ZBTB44: variants seen among roughly 807,000 people sequenced by gnomAD.
The protein encoded by ZBTB44 is zinc finger and BTB domain containing 44.
A neutral mutation model predicts 54.0 loss-of-function variants in ZBTB44; 15 were observed. That is an observed-to-expected ratio of 0.28 (90% CI 0.19 to 0.43). The LOEUF is 0.43. Ranked by LOEUF, ZBTB44 falls within the 20% of genes least tolerant of loss-of-function variation. The probability of loss-of-function intolerance (pLI) is 1.00; values close to 1 mark genes in which losing one functional copy is unlikely to be tolerated. For missense variants in ZBTB44, 487 were observed against 707.1 expected, an observed-to-expected ratio of 0.69 and a Z score of 3.53; for synonymous variants, 230 against 250.1, an observed-to-expected ratio of 0.92 and a Z score of 0.76.
chr11:130,284,965 T>C (rs920366242), intron 1 of ZBTB44: 2 of 152,798 alleles, frequency 1.3e-5, no homozygotes, highest in African/African-American at 4.8e-5. Context: ...TTGACTTCTT[T>C]TCTTTGTGAA....
intron 2 of ZBTB44, among the ~76,000 whole-genome samples, chr11:130,259,504 A>C (rs938698556): frequency 6.6e-6 from 1 of 152,210 alleles, no homozygotes; most frequent in African/African-American, 2.4e-5. Flanking sequence ...ACATGCGCAC[A>C]TATGTTTACT....
At position 130,261,951 on chromosome 11, in the gene ZBTB44, G is replaced by C. The variant is rs1938891009; in HGVS notation, c.-56-22C>G. On this transcript the variant is annotated intron_variant, in intron 1 of 7. Coordinates refer to ENST00000357899, the MANE Select transcript of ZBTB44 (RefSeq NM_001301098.2). The surrounding 1 kb of genome is among the most constrained non-coding windows in gnomAD (Gnocchi z 4.8). ...TGTCCTAAAAAATACATAAAATAAA[G>C]CATTAATTGATATTTTAGTGGTTTA... is the stretch of plus-strand genomic sequence containing the variant. 3 of 1,397,270 alleles carry C rather than the reference G, an allele frequency of 2.1e-6. No homozygotes were observed. Among genetic ancestry groups the C allele is most frequent in the Non-Finnish European group, 2.8e-6 (3 of 1,057,534 alleles). The allele number at this position is 1,397,270 out of a possible 1,614,324, so 86.6% of individuals were successfully genotyped here.
chr11:130,313,044 T>C (rs1020800204), intron 1 of ZBTB44, among the ~76,000 whole-genome samples: 1 of 152,094 alleles, frequency 6.6e-6, no homozygotes, highest in Non-Finnish European at 1.5e-5. Flanking sequence ...CCGATCACAA[T>C]TGTATAGAAC....
intron 2 of ZBTB44, among the ~76,000 whole-genome samples, chr11:130,258,924 T>C (rs1388863928): frequency 6.6e-6 from 1 of 152,158 alleles, no homozygotes; most frequent in African/African-American, 2.4e-5. Flanking sequence ...ATCACAAGCA[T>C]TCCTGTGCAC....
intron 1 of ZBTB44, among the ~76,000 whole-genome samples, chr11:130,282,833 C>T (rs1940628349): frequency 1.3e-5 from 2 of 152,214 alleles, no homozygotes; most frequent in South Asian, 2.1e-4. Context: ...GACACACCTC[C>T]CTGGGCAAGG....
At chr11:130,300,934 T>C (rs1941954347) in intron 1 of ZBTB44, among the ~76,000 whole-genome samples, 1 of 152,180 alleles carries the variant, frequency 6.6e-6, no homozygotes, top group Non-Finnish European at 1.5e-5. Context: ...GGATACTGAT[T>C]TTTTACAGAA....
At chr11:130,234,401 T>C (rs1954017876) in intron 5 of ZBTB44, 128 bp from the exon 6 acceptor site, 1 of 1,069,342 alleles carries the variant, frequency 9.4e-7, no homozygotes, top group Non-Finnish European at 1.3e-6. Context: ...TCAGTGAAGA[T>C]TAAAACTCAG....
At chr11:130,242,932 C>G (rs118031653) in intron 2 of ZBTB44, among the ~76,000 whole-genome samples, 1,716 of 152,326 alleles carry the variant, frequency 0.011, 16 homozygotes, top group South Asian at 0.02. Context: ...GTGTCTCTCT[C>G]TGTGTAGCAC....
rs779009075 is a variant in ZBTB44, at chr11:130,226,864, AC to A, written c.*4899del. ...GATTTTTTTTTTAAAAAAAGTTTAA[AC>A]CTTTTTTAAAAAGATTAAACAATCA... On this transcript the variant is annotated 3_prime_UTR_variant, in exon 8 of 8. Coordinates refer to ENST00000357899, the MANE Select transcript of ZBTB44 (RefSeq NM_001301098.2). 2.6e-5 allele frequency: 4 copies of A among 152,296 alleles called. No homozygotes were observed. Among genetic ancestry groups the A allele is most frequent in the South Asian group, 2.1e-4 (1 of 4,828 alleles). 9.4% of individuals were successfully genotyped at this position (152,296 alleles called of 1,614,324 possible).
At chr11:130,276,667 G>C (rs1158367802) in intron 1 of ZBTB44, among the ~76,000 whole-genome samples, 1 of 151,982 alleles carries the variant, frequency 6.6e-6, no homozygotes, top group Non-Finnish European at 1.5e-5. Flanking sequence ...ACTCCTAAGT[G>C]ATCTGTCCGC....
At chr11:130,241,175 A>G (rs1591933759) in intron 2 of ZBTB44, among the ~76,000 whole-genome samples, 1 of 152,236 alleles carries the variant, frequency 6.6e-6, no homozygotes, top group South Asian at 2.1e-4. Flanking sequence ...CTTAATGCAC[A>G]TAAGCATGCT....
chr11:130,295,894 G>C (rs565765385), intron 1 of ZBTB44: 20 of 1,479,978 alleles, frequency 1.4e-5, no homozygotes, highest in Non-Finnish European at 1.9e-5. Context: ...GCATACCTAT[G>C]GGTTGATAAT....
chr11:130,262,019 T>A, intron 1 of ZBTB44, 90 bp from the exon 2 acceptor site: 1 of 977,384 alleles, frequency 1.0e-6, no homozygotes, highest in Non-Finnish European at 1.5e-6. Context: ...TGTACTAAAT[T>A]AAAAAGCTGA....
intron 2 of ZBTB44, among the ~76,000 whole-genome samples, chr11:130,243,981 A>C (rs910621098): frequency 2.0e-5 from 3 of 152,078 alleles, no homozygotes; most frequent in Non-Finnish European, 2.9e-5. Context: ...CAACTTTTAC[A>C]CACTCTGAGC....
chr11:130,310,774 G>A (rs1489994567), intron 1 of ZBTB44, among the ~76,000 whole-genome samples: 1 of 151,806 alleles, frequency 6.6e-6, no homozygotes, highest in Non-Finnish European at 1.5e-5. Flanking sequence ...ATGGAGTCCC[G>A]CTTTGTCACC....
At chr11:130,232,833 C>G (rs1953929444) in intron 7 of ZBTB44, 1 of 152,550 alleles carries the variant, frequency 6.6e-6, no homozygotes, top group Non-Finnish European at 1.5e-5. Flanking sequence ...GACCTCATCT[C>G]TACAAAAAAT....
chr11:130,262,978 T>C (rs1938987837), intron 1 of ZBTB44, among the ~76,000 whole-genome samples: 1 of 152,188 alleles, frequency 6.6e-6, no homozygotes, highest in South Asian at 2.1e-4. Flanking sequence ...GAAGGATCAC[T>C]TGAGCCTGGG....
At chr11:130,241,134 G>A (rs1954346137) in intron 2 of ZBTB44, among the ~76,000 whole-genome samples, 1 of 151,928 alleles carries the variant, frequency 6.6e-6, no homozygotes, top group African/African-American at 2.4e-5. Context: ...ACAGTTTTTT[G>A]GCTATTAAGA....
intron 1 of ZBTB44, among the ~76,000 whole-genome samples, chr11:130,278,745 T>A (rs1940292111): frequency 6.6e-6 from 1 of 152,216 alleles, no homozygotes; most frequent in Non-Finnish European, 1.5e-5. Flanking sequence ...ATTATTTTTT[T>A]CAATTCCAGA....
Sources: allele counts gnomAD v4.1 joint callset (sites outside exome capture counted in the v4.1 genomes callset), GRCh38; gene constraint gnomAD v4.1.1; non-coding constraint Gnocchi (gnomAD v3.1); transcripts MANE v1.5; gene names NCBI Gene and HGNC (gene_info 2026-07-23, HGNC 2026-07-21).